Variants in TANC1 observed in about 807,000 individuals in gnomAD.
The protein encoded by TANC1 is protein TANC1.
Under a neutral mutation model 149.7 loss-of-function variants are expected in TANC1, and 77 were observed. The ratio of observed to expected loss-of-function variants is 0.51; its 90% CI spans 0.43 to 0.62. The LOEUF (loss-of-function observed/expected upper bound fraction) is 0.62, where lower values mean the gene tolerates loss of function less well. Among genes scored for constraint, TANC1 ranks in the 20% least tolerant of loss-of-function variants. TANC1 has a pLI of 0.00. For missense variants in TANC1, 1,985 were observed against 2,321.8 expected (o/e 0.85, Z 2.98); for synonymous variants, 854 against 925.0 (o/e 0.92, Z 1.39).
chr2:159,205,792 A>G (rs1036242754), intron 19 of TANC1, among the ~76,000 whole-genome samples: 4 of 152,240 alleles, frequency 2.6e-5, no homozygotes, highest in South Asian at 2.1e-4. Flanking sequence ...TAGGTGATGC[A>G]TGCACATCTC....
At chr2:158,982,082 T>C (rs1230786925) in intron 1 of TANC1, among the ~76,000 whole-genome samples, 1 of 152,128 alleles carries the variant, frequency 6.6e-6, no homozygotes. Context: ...CTGGGAAAAG[T>C]TAAAGGATTT....
At chr2:158,970,666 T>C (rs1335724869) in intron 1 of TANC1, among the ~76,000 whole-genome samples, 1 of 152,216 alleles carries the variant, frequency 6.6e-6, no homozygotes, top group African/African-American at 2.4e-5. Context: ...GTATCTGATA[T>C]CCTTCAGGAC....
At chr2:159,190,005 C>G (rs2057318366) in intron 16 of TANC1, among the ~76,000 whole-genome samples, 1 of 152,184 alleles carries the variant, frequency 6.6e-6, no homozygotes. Flanking sequence ...TTGATGACAT[C>G]TTTAGGAAAC....
intron 4 of TANC1, among the ~76,000 whole-genome samples, chr2:159,131,473 G>T (rs1323010735): frequency 6.6e-6 from 1 of 151,940 alleles, no homozygotes. Flanking sequence ...TGCTGTCACC[G>T]AGGCTCTGGC....
intron 13 of TANC1, among the ~76,000 whole-genome samples, chr2:159,176,796 G>T (rs1348643876): frequency 6.6e-6 from 1 of 151,972 alleles, no homozygotes; most frequent in Non-Finnish European, 1.5e-5. Context: ...GTCATGGAGT[G>T]TGTGGGGCCA....
intron 2 of TANC1, among the ~76,000 whole-genome samples, chr2:159,047,417 C>A (rs958957708): frequency 6.6e-6 from 1 of 151,872 alleles, no homozygotes; most frequent in African/African-American, 2.4e-5. Flanking sequence ...GTCATTCCAC[C>A]GTGAAAGAAA....
intron 19 of TANC1, among the ~76,000 whole-genome samples, chr2:159,206,198 GC>G (rs1482022249): frequency 6.6e-6 from 1 of 152,174 alleles, no homozygotes; most frequent in Non-Finnish European, 1.5e-5. Context: ...GTGACCCTGT[GC>G]CCTGTAAGGG....
At chr2:159,110,092 A>G (rs1299417953) in intron 4 of TANC1, among the ~76,000 whole-genome samples, 1 of 152,232 alleles carries the variant, frequency 6.6e-6, no homozygotes, top group Non-Finnish European at 1.5e-5. Flanking sequence ...CTTAGTTAAG[A>G]TGAAAAAGGC....
Position 158,971,224 on chromosome 2 carries a change from C to A in TANC1, c.-126+2442C>A, listed in dbSNP as rs138169865. Among the ~76,000 whole-genome samples the A allele has an allele frequency of 3.1e-3, 473 of 152,264 alleles. 1 individual carries two copies. Among genetic ancestry groups the A allele is most frequent in the Middle Eastern group, 6.8e-3 (2 of 294 alleles). ...CTTTATTTCTCTGGGAACATTAAAA[C>A]CAGCATCCCTGAGCCAGTGGAACTA... On this transcript the variant is annotated intron_variant, in intron 1 of 26. Coordinates refer to ENST00000263635, the MANE Select transcript of TANC1 (RefSeq NM_033394.3).
At chr2:159,174,929 G>C (rs1259462437) in intron 11 of TANC1, 24 bp from the exon 12 acceptor site, 1 of 1,587,816 alleles carries the variant, frequency 6.3e-7, no homozygotes, top group East Asian at 2.2e-5. Context: ...GTGAGGTGAT[G>C]CTGACGGTTC....
intron 3 of TANC1, among the ~76,000 whole-genome samples, chr2:159,097,104 G>A (rs2046221924): frequency 6.6e-6 from 1 of 152,126 alleles, no homozygotes; most frequent in South Asian, 2.1e-4. Flanking sequence ...TTAGGAGGGT[G>A]GCCCTGTGTC....
At chr2:159,088,005 A>G (rs925489095) in intron 3 of TANC1, among the ~76,000 whole-genome samples, 7 of 151,636 alleles carry the variant, frequency 4.6e-5, no homozygotes, top group Non-Finnish European at 1.0e-4. Context: ...AAGGAAGAGA[A>G]AGGCATGAAC....
In TANC1 at chr2:159,017,314, GAT is replaced by G. The variant is rs539531038; in HGVS notation, c.-16+16128_-16+16129del. ...AGAATGTAATATTTATAAGATAAAAGATATTATATTCTCTCACTTTGAATTAC... is the reference window on the plus strand; with the variant it reads ...AGAATGTAATATTTATAAGATAAAAGATTATATTCTCTCACTTTGAATTAC... On this transcript the variant is annotated intron_variant, in intron 2 of 26. Transcript: ENST00000263635. Among the ~76,000 whole-genome samples the G allele has an allele frequency of 2.4e-3, 373 of 152,308 alleles. 1 individual carries two copies. Among genetic ancestry groups the G allele is most frequent in the African/African-American group, 8.6e-3 (358 of 41,554 alleles).
At chr2:159,063,843 G>A (rs2042442730) in intron 2 of TANC1, among the ~76,000 whole-genome samples, 1 of 152,174 alleles carries the variant, frequency 6.6e-6, no homozygotes, top group Non-Finnish European at 1.5e-5. Context: ...CTTGCCCCGT[G>A]TGATGCCTAT....
In TANC1 at chr2:159,179,080, C is replaced by G; in HGVS notation, c.2427C>G (p.Thr809=). 6.2e-7 allele frequency: 1 copy of G among 1,613,880 alleles called. No individual in the cohort carries two copies. The highest frequency in any genetic ancestry group is 8.5e-7 in the Non-Finnish European group (1 of 1,180,008). ...TCCTCATTAAGAGGCGAGACAAAAC[C>G]CGCATGTTCTGCCACCCGTCCTTCA... ...SCFLIKRRDK[T]RMFCHPSFRE... is the part of the protein sequence containing the mutation. The change falls in exon 14 of 27, where the codon ACC becomes ACG. Residue 809 remains threonine, a synonymous_variant. Transcript: ENST00000263635.
intron 2 of TANC1, among the ~76,000 whole-genome samples, chr2:159,012,150 A>G (rs1470801305): frequency 6.6e-6 from 1 of 152,244 alleles, no homozygotes; most frequent in Non-Finnish European, 1.5e-5. Flanking sequence ...TGTGTTTCCT[A>G]AAGCCAGCAT....
At chr2:159,115,113 T>C (rs1035505670) in intron 4 of TANC1, among the ~76,000 whole-genome samples, 1 of 152,184 alleles carries the variant, frequency 6.6e-6, no homozygotes, top group African/African-American at 2.4e-5. Context: ...TTGAGGTGTC[T>C]ACAAAGTGTT....
intron 2 of TANC1, among the ~76,000 whole-genome samples, chr2:159,059,947 G>T (rs796219032): frequency 1.3e-4 from 13 of 102,900 alleles, no homozygotes; most frequent in East Asian, 1.1e-3. Context: ...TGTTGTTGTT[G>T]TTTTTTTTTT....
intron 14 of TANC1, among the ~76,000 whole-genome samples, chr2:159,183,341 C>T (rs993758410): frequency 6.6e-6 from 1 of 152,180 alleles, no homozygotes; most frequent in Non-Finnish European, 1.5e-5. Flanking sequence ...CAGGTTCCAG[C>T]GCCAGGGCGG....
Sources: gnomAD v4.1 joint callset for allele counts (sites outside exome capture counted in the v4.1 genomes callset) on GRCh38, gnomAD v4.1.1 for gene constraint, MANE v1.5 for transcripts, NCBI Gene and HGNC (gene_info 2026-07-23, HGNC 2026-07-21) for gene names.